PSD3: variants seen among roughly 807,000 people sequenced by gnomAD.
The protein encoded by PSD3 is PH and SEC7 domain-containing protein 3.
In PSD3, 49 loss-of-function variants were observed where a neutral mutation model predicts 105.5. That is an observed-to-expected ratio of 0.46 (90% CI 0.37 to 0.59). The LOEUF is 0.59. PSD3 is among the 20% of genes least tolerant of loss of function. PSD3 has a pLI of 0.00. For synonymous variants in PSD3, 557 were observed against 457.8 expected (o/e 1.22, Z -2.77); for missense variants, 1,561 against 1,263.8 (o/e 1.24, Z -3.57).
intron 10 of PSD3, among the ~76,000 whole-genome samples, chr8:18,640,787 A>T (rs1807589258): frequency 6.6e-6 from 1 of 152,208 alleles, no homozygotes; most frequent in Non-Finnish European, 1.5e-5. Context: ...AGGAAGCAGA[A>T]CTAATTAGCC....
intron 2 of PSD3, among the ~76,000 whole-genome samples, chr8:18,902,991 C>T (rs1586374579): frequency 6.6e-6 from 1 of 152,094 alleles, no homozygotes; most frequent in Non-Finnish European, 1.5e-5. Context: ...GGCTGTGGGG[C>T]CAGGGTCCTA....
intron 1 of PSD3, among the ~76,000 whole-genome samples, chr8:18,984,165 C>T (rs10104492): frequency 0.33 from 49,664 of 150,006 alleles, 8,543 homozygotes; most frequent in Middle Eastern, 0.55. Flanking sequence ...ACTTGCTCCA[C>T]ACAAAGTTGC....
In PSD3 at chr8:18,586,543, G is replaced by A. The variant is rs114689022; in HGVS notation, c.2482-11258C>T. Among the ~76,000 whole-genome samples the A allele has an allele frequency of 3.2e-3, 488 of 152,222 alleles. 2 individuals carry two copies. The highest frequency in any genetic ancestry group is 0.011 in the African/African-American group (475 of 41,544). ...CCCTAAACAGATTGTTATTCCAGTGGGTGGGGCAGGGGGTGGTTTGTGTAT... is the reference window on the plus strand; with the variant it reads ...CCCTAAACAGATTGTTATTCCAGTGAGTGGGGCAGGGGGTGGTTTGTGTAT... On this transcript the variant is annotated intron_variant, in intron 12 of 15. Transcript: ENST00000327040.
intron 2 of PSD3, among the ~76,000 whole-genome samples, chr8:18,909,948 A>T (rs1031598067): frequency 6.6e-6 from 1 of 152,204 alleles, no homozygotes; most frequent in Non-Finnish European, 1.5e-5. Context: ...TGGAAGTTAC[A>T]GCGAAAGGAA....
intron 2 of PSD3, among the ~76,000 whole-genome samples, chr8:18,933,356 T>C (rs922746416): frequency 2.0e-5 from 3 of 151,248 alleles, no homozygotes; most frequent in African/African-American, 7.3e-5. Flanking sequence ...TATCTCTATA[T>C]AGTTAAGGAA....
rs535984171 is a variant in PSD3 at position 18,844,825 on chromosome 8, T to A, written c.1634+22849A>T. 2.6e-5 allele frequency among the ~76,000 whole-genome samples: 4 copies of A among 152,322 alleles called. No homozygotes were observed. In the East Asian group the frequency reaches 7.7e-4, roughly 29 times the overall value. ...AGAATCGTACAGCCAAATTCCAGAA[T>A]AAGCTACTCTGCATAGCATTTACTT... On this transcript the variant is annotated intron_variant, in intron 4 of 15. Transcript: ENST00000327040.
intron 9 of PSD3, among the ~76,000 whole-genome samples, chr8:18,763,206 C>T (rs1049420124): frequency 5.3e-5 from 8 of 152,134 alleles, no homozygotes; most frequent in Admixed American, 4.6e-4. Flanking sequence ...ACAATAAAAG[C>T]CTCAGTTTAT....
chr8:18,580,859 C>G (rs571634253), intron 12 of PSD3, among the ~76,000 whole-genome samples: 1 of 152,304 alleles, frequency 6.6e-6, no homozygotes, highest in East Asian at 1.9e-4. Flanking sequence ...GAGGTGAACT[C>G]TAAGTAATTC....
intron 9 of PSD3, among the ~76,000 whole-genome samples, chr8:18,682,033 C>G (rs894566340): frequency 6.6e-6 from 1 of 151,442 alleles, no homozygotes; most frequent in Non-Finnish European, 1.5e-5. Flanking sequence ...GCTTGGCCTT[C>G]TCTTCCACAG....
At chr8:18,787,459 T>TA (rs1232084443) in intron 8 of PSD3, among the ~76,000 whole-genome samples, 2 of 151,978 alleles carry the variant, frequency 1.3e-5, no homozygotes, top group Non-Finnish European at 2.9e-5. Context: ...TAATCAAACT[T>TA]AAAAAATATC....
intron 2 of PSD3, among the ~76,000 whole-genome samples, chr8:18,898,651 G>A (rs1434464869): frequency 6.6e-6 from 1 of 152,106 alleles, no homozygotes; most frequent in Non-Finnish European, 1.5e-5. Context: ...CACATATTTT[G>A]CATGTTGTAT....
intron 1 of PSD3, among the ~76,000 whole-genome samples, chr8:19,074,604 TATATA>T (rs1829391988): frequency 6.4e-5 from 1 of 15,530 alleles, no homozygotes. Flanking sequence ...TATATATATA[TATATA>T]TATTTTTTTT....
chr8:18,672,805 A>T (rs12548329), intron 9 of PSD3, among the ~76,000 whole-genome samples: 1 of 152,188 alleles, frequency 6.6e-6, no homozygotes, highest in Non-Finnish European at 1.5e-5. Context: ...TAGAGTATAA[A>T]GTCTTGGAAG....
chr8:18,682,336 A>C (rs1563167956), intron 9 of PSD3, among the ~76,000 whole-genome samples: 1 of 152,198 alleles, frequency 6.6e-6, no homozygotes, highest in Non-Finnish European at 1.5e-5. Flanking sequence ...GCTCTTATAG[A>C]AGCCAATTTT....
intron 9 of PSD3, among the ~76,000 whole-genome samples, chr8:18,692,351 G>A (rs903759076): frequency 3.3e-5 from 5 of 152,148 alleles, no homozygotes; most frequent in African/African-American, 1.2e-4. Context: ...GAATCACAAG[G>A]TACTGCAGCT....
At chr8:18,678,387 A>G (rs1259642709) in intron 9 of PSD3, among the ~76,000 whole-genome samples, 1 of 152,268 alleles carries the variant, frequency 6.6e-6, no homozygotes, top group African/African-American at 2.4e-5. Context: ...ACTAGAAAAT[A>G]TACCAATCAG....
intron 11 of PSD3, among the ~76,000 whole-genome samples, chr8:18,606,239 C>T (rs1443314594): frequency 2.0e-5 from 3 of 152,188 alleles, no homozygotes; most frequent in Non-Finnish European, 2.9e-5. Context: ...CCACTTGTGA[C>T]TTATTCACTC....
intron 9 of PSD3, among the ~76,000 whole-genome samples, chr8:18,751,686 C>T (rs1257484208): frequency 6.7e-6 from 1 of 150,214 alleles, no homozygotes; most frequent in Non-Finnish European, 1.5e-5. Flanking sequence ...AGCCACTTAA[C>T]ACACCTCATC....
At chr8:18,993,618 C>T (rs555541612) in intron 1 of PSD3, among the ~76,000 whole-genome samples, 1 of 151,738 alleles carries the variant, frequency 6.6e-6, no homozygotes, top group East Asian at 1.9e-4. Flanking sequence ...TAGAGCTTAT[C>T]CCCCCAATTC....
Sources: allele counts gnomAD v4.1 joint callset (sites outside exome capture counted in the v4.1 genomes callset), GRCh38; gene constraint gnomAD v4.1.1; transcripts MANE v1.5; gene names NCBI Gene and HGNC (gene_info 2026-07-23, HGNC 2026-07-21).